The following FAM171A1 variants were observed in gnomAD, a reference collection of about 807,000 sequenced individuals.
FAM171A1 encodes the protein protein FAM171A1.
FAM171A1 carries 23 observed loss-of-function variants against 74.9 expected under a neutral mutation model. That is an observed-to-expected ratio of 0.31 (90% CI 0.22 to 0.44). The LOEUF is 0.44. FAM171A1 is among the 20% of genes least tolerant of loss of function. The probability of loss-of-function intolerance (pLI) is 1.00; values close to 1 mark genes in which losing one functional copy is unlikely to be tolerated. For missense variants in FAM171A1, 1,162 were observed against 1,159.2 expected, an observed-to-expected ratio of 1.00 and a Z score of -0.03; for synonymous variants, 527 against 505.7, an observed-to-expected ratio of 1.04 and a Z score of -0.57.
chr10:15,256,570 C>T (rs1834583043), intron 3 of FAM171A1, among the ~76,000 whole-genome samples: 1 of 152,234 alleles, frequency 6.6e-6, no homozygotes, highest in Non-Finnish European at 1.5e-5. Context: ...CAGACACAGA[C>T]ATTAGTCTAG....
At chr10:15,271,546 T>G (rs189207701) in intron 3 of FAM171A1, among the ~76,000 whole-genome samples, 4 of 151,906 alleles carry the variant, frequency 2.6e-5, no homozygotes, top group African/African-American at 9.7e-5. Flanking sequence ...ACAAAGATAC[T>G]CCTCGAGAAG....
intron 3 of FAM171A1, among the ~76,000 whole-genome samples, chr10:15,263,761 A>G (rs917234503): frequency 1.2e-4 from 18 of 151,590 alleles, no homozygotes; most frequent in African/African-American, 2.2e-4. Flanking sequence ...CTATCTATCT[A>G]TCTATCTATC....
At chr10:15,370,227 G>A (rs1264788088) in intron 1 of FAM171A1, among the ~76,000 whole-genome samples, 1 of 149,462 alleles carries the variant, frequency 6.7e-6, no homozygotes, top group Non-Finnish European at 1.5e-5. Context: ...AAACTGATCT[G>A]GAAAGGATTT....
At chr10:15,342,499 C>T (rs552892579) in intron 1 of FAM171A1, among the ~76,000 whole-genome samples, 5 of 152,126 alleles carry the variant, frequency 3.3e-5, no homozygotes, top group Non-Finnish European at 7.4e-5. Context: ...ACCTGGGAGG[C>T]AGAGGTTGAA....
At chr10:15,343,939 A>T (rs10752373) in intron 1 of FAM171A1, among the ~76,000 whole-genome samples, 149,470 of 152,342 alleles carry the variant, frequency 0.98, 73,387 homozygotes, top group Middle Eastern at 1. Context: ...ACAAATGGAA[A>T]GTTCAATAAA....
chr10:15,321,407 C>A (rs1317966514), intron 1 of FAM171A1, among the ~76,000 whole-genome samples: 2 of 152,198 alleles, frequency 1.3e-5, no homozygotes, highest in Non-Finnish European at 2.9e-5. Flanking sequence ...GAAATACTTA[C>A]AAACACTTAA....
At chr10:15,255,645 TTTC>T (rs1242259196) in intron 3 of FAM171A1, among the ~76,000 whole-genome samples, 5 of 142,190 alleles carry the variant, frequency 3.5e-5, no homozygotes, top group South Asian at 2.3e-4. Context: ...TTCTTTTTCT[TTTC>T]TTCTTCTTTT....
At chr10:15,220,412 A>G (rs1228422105) in intron 6 of FAM171A1, among the ~76,000 whole-genome samples, 1 of 151,292 alleles carries the variant, frequency 6.6e-6, no homozygotes, top group East Asian at 1.9e-4. Context: ...ACATAGGTTA[A>G]AAAAAATAAA....
At chr10:15,302,505 CAAA>C (rs201888011) in intron 1 of FAM171A1, among the ~76,000 whole-genome samples, 8 of 116,394 alleles carry the variant, frequency 6.9e-5, no homozygotes, top group Non-Finnish European at 9.0e-5. Flanking sequence ...AACCCAAAAC[CAAA>C]AAAAAAAAAA....
At chr10:15,222,562 T>A (rs1247243052) in intron 5 of FAM171A1, among the ~76,000 whole-genome samples, 4 of 152,258 alleles carry the variant, frequency 2.6e-5, no homozygotes, top group Non-Finnish European at 5.9e-5. Context: ...GACCCAATCA[T>A]CATCCTGTGA....
At chr10:15,311,030 T>C (rs1003287766) in intron 1 of FAM171A1, among the ~76,000 whole-genome samples, 1 of 152,108 alleles carries the variant, frequency 6.6e-6, no homozygotes, top group Non-Finnish European at 1.5e-5. Flanking sequence ...CTAGGGCTGC[T>C]GGAAGGATGG....
chr10:15,292,954 C>T (rs548715300), intron 1 of FAM171A1, among the ~76,000 whole-genome samples: 1 of 152,214 alleles, frequency 6.6e-6, no homozygotes, highest in South Asian at 2.1e-4. Context: ...TCTTACTATT[C>T]TGTCTAAAAC....
chr10:15,230,534 G>A lies in FAM171A1; in HGVS notation c.755-9474C>T, dbSNP rs190765387. ...CCTTCTGTTTGAAGCATGAAATCAT[G>A]AATGTGTTGAATATTAGAAATTAAC... On this transcript the variant is annotated intron_variant, in intron 5 of 7. Coordinates refer to ENST00000378116, the MANE Select transcript of FAM171A1 (RefSeq NM_001010924.2). Among the ~76,000 whole-genome samples, 8 of 152,340 alleles carry A rather than the reference G, an allele frequency of 5.3e-5. No individual in the cohort carries two copies. In the East Asian group the frequency reaches 1.5e-3, roughly 29 times the overall value.
At chr10:15,348,259 G>A (rs532925379) in intron 1 of FAM171A1, among the ~76,000 whole-genome samples, 62 of 152,138 alleles carry the variant, frequency 4.1e-4, no homozygotes, top group Non-Finnish European at 7.1e-4. Context: ...GATTACAGGC[G>A]TGAGCCACTG....
At chr10:15,249,296 A>G (rs1392215459) in intron 4 of FAM171A1, among the ~76,000 whole-genome samples, 1 of 152,076 alleles carries the variant, frequency 6.6e-6, no homozygotes, top group Non-Finnish European at 1.5e-5. Context: ...GGGTTTTGCC[A>G]TATTGGCCAG....
rs1285734089 is a variant in FAM171A1 at position 15,330,754 on chromosome 10, G to A, written c.97+40202C>T. The stretch of plus-strand genomic sequence containing the variant: ...TTTTTTTGAGATGGAGCCTCACTCT[G>A]TCACCCAGGCTGGAGTGCAGTGGCA... On this transcript the variant is annotated intron_variant, in intron 1 of 7. Coordinates refer to ENST00000378116, the MANE Select transcript of FAM171A1 (RefSeq NM_001010924.2). Among the ~76,000 whole-genome samples, 5 of 113,798 alleles carry A rather than the reference G, an allele frequency of 4.4e-5. No homozygotes were observed. In the Admixed American group the frequency reaches 5.4e-4, roughly 12 times the overall value. 74.7% of individuals were successfully genotyped at this position (113,798 alleles called of 152,430 possible).
chr10:15,374,529 G>T (rs534871461), upstream of FAM171A1, among the ~76,000 whole-genome samples: 1 of 152,328 alleles, frequency 6.6e-6, no homozygotes, highest in East Asian at 1.9e-4. Context: ...TTCCGATCAT[G>T]ATCATCAGAC....
chr10:15,213,146 T>G lies in FAM171A1; in HGVS notation c.2442A>C (p.Arg814=). 1.9e-6 allele frequency: 3 copies of G among 1,614,076 alleles called. No individual in the cohort carries two copies. The highest frequency in any genetic ancestry group is 2.5e-6 in the Non-Finnish European group (3 of 1,180,014). The change falls in exon 8 of 8, where the codon CGA becomes CGC. Residue 814 remains arginine (R), a synonymous_variant. Coordinates refer to ENST00000378116, the MANE Select transcript of FAM171A1 (RefSeq NM_001010924.2). This position sits in a 1 kb window ranked among gnomAD's most constrained non-coding sequence, Gnocchi z 6.8. ...TVCTPEDSAL[R]CLLEGSSRRS... is the part of the protein sequence containing the mutation. ...TCCGACTCGACCCCTCCAACAAGCA[T>G]CGCAGGGCACTGTCCTCGGGGGTAC... is the stretch of plus-strand genomic sequence containing the variant.
intron 1 of FAM171A1, among the ~76,000 whole-genome samples, chr10:15,317,701 T>A (rs1000807446): frequency 6.6e-6 from 1 of 152,248 alleles, no homozygotes; most frequent in South Asian, 2.1e-4. Flanking sequence ...CCTGCACTGA[T>A]ATTTTATACA....
Sources: gnomAD v4.1 joint callset for allele counts (sites outside exome capture counted in the v4.1 genomes callset) on GRCh38, gnomAD v4.1.1 for gene constraint, Gnocchi (gnomAD v3.1) non-coding constraint, MANE v1.5 for transcripts, NCBI Gene and HGNC (gene_info 2026-07-23, HGNC 2026-07-21) for gene names.